PCGF5: variants seen among roughly 807,000 people sequenced by gnomAD.
PCGF5 encodes polycomb group RING finger protein 5.
PCGF5 carries 9 observed loss-of-function variants against 44.3 expected under a neutral mutation model. The ratio of observed to expected loss-of-function variants is 0.20; its 90% confidence interval spans 0.12 to 0.35. The LOEUF (loss-of-function observed/expected upper bound fraction) is 0.35. PCGF5 is among the 10% of genes least tolerant of loss of function. PCGF5 has a pLI of 1.00. For missense variants in PCGF5, 146 were observed against 305.3 expected, an observed-to-expected ratio of 0.48 and a Z score of 3.89; for synonymous variants, 95 against 102.5, an observed-to-expected ratio of 0.93 and a Z score of 0.44.
chr10:91,174,444 T>C (rs1281754714), intron 1 of PCGF5, among the ~76,000 whole-genome samples: 1 of 152,108 alleles, frequency 6.6e-6, no homozygotes, highest in Non-Finnish European at 1.5e-5. Flanking sequence ...GAGGTGGAGA[T>C]TGTAGTGAGC....
chr10:91,238,601 C>CT lies in PCGF5; in HGVS notation c.113-1853dup, dbSNP rs71487496. On this transcript the variant is annotated intron_variant, in intron 2 of 9. Coordinates refer to ENST00000336126, the MANE Select transcript of PCGF5 (RefSeq NM_032373.5). ...CTCTCATTTCTTTCTTTCTTTCTTT[C>CT]TTTTTTTTTTTTTTTTTTTTTTTTT... Among the ~76,000 whole-genome samples, 407 of 58,422 alleles carry CT rather than the reference C, an allele frequency of 7.0e-3. 18 individuals are homozygous for CT. The highest frequency in any genetic ancestry group is 0.014 in the Middle Eastern group (1 of 74). The allele number at this position is 58,422 out of a possible 152,430, so 38.3% of individuals were successfully genotyped here. A position where few individuals can be genotyped will look rare whatever the true frequency, so the allele number is the denominator to read the frequency against.
chr10:91,199,166 A>G (rs1844199580), intron 1 of PCGF5, among the ~76,000 whole-genome samples: 1 of 152,254 alleles, frequency 6.6e-6, no homozygotes, highest in Admixed American at 6.5e-5. Flanking sequence ...TTCCACAAGC[A>G]AAGTTCCAGA....
At chr10:91,209,931 CAT>C (rs373637339) in intron 1 of PCGF5, among the ~76,000 whole-genome samples, 50 of 152,292 alleles carry the variant, frequency 3.3e-4, no homozygotes, top group African/African-American at 1.2e-3. Flanking sequence ...ATGAGATTGA[CAT>C]GTGGAAATTG....
At chr10:91,251,654 A>G (rs1427588074) in intron 6 of PCGF5, among the ~76,000 whole-genome samples, 2 of 152,024 alleles carry the variant, frequency 1.3e-5, no homozygotes, top group Non-Finnish European at 2.9e-5. Context: ...TCTAGTGGCT[A>G]ATGCCCAGAA....
chr10:91,196,028 G>A (rs76134049), intron 1 of PCGF5, among the ~76,000 whole-genome samples: 2 of 150,878 alleles, frequency 1.3e-5, no homozygotes, highest in Non-Finnish European at 1.5e-5. Flanking sequence ...TTCATTATTT[G>A]TCCACTTTCT....
At chr10:91,212,786 T>C (rs1170061937) in intron 1 of PCGF5, among the ~76,000 whole-genome samples, 1 of 152,196 alleles carries the variant, frequency 6.6e-6, no homozygotes, top group Non-Finnish European at 1.5e-5. Flanking sequence ...TCTTTAATCT[T>C]AAGATTTTTT....
intron 1 of PCGF5, among the ~76,000 whole-genome samples, chr10:91,198,408 G>T (rs1293201701): frequency 6.6e-6 from 1 of 152,146 alleles, no homozygotes; most frequent in Non-Finnish European, 1.5e-5. Flanking sequence ...TACCTGTTTT[G>T]TGGTCTTTAC....
chr10:91,186,726 T>A (rs760756292), intron 1 of PCGF5, among the ~76,000 whole-genome samples: 5 of 152,198 alleles, frequency 3.3e-5, no homozygotes, highest in African/African-American at 4.8e-5. Flanking sequence ...TACTAGTAAC[T>A]GTTTCACTTC....
intron 1 of PCGF5, among the ~76,000 whole-genome samples, chr10:91,195,743 A>ATTT (rs1008648984): frequency 6.6e-6 from 1 of 151,328 alleles, no homozygotes; most frequent in Non-Finnish European, 1.5e-5. Context: ...CCTAAATCAT[A>ATTT]TTTTTTTTAA....
At chr10:91,170,848 T>G (rs1843591715) in intron 1 of PCGF5, among the ~76,000 whole-genome samples, 1 of 152,218 alleles carries the variant, frequency 6.6e-6, no homozygotes, top group Non-Finnish European at 1.5e-5. Flanking sequence ...TGCCAAAACT[T>G]GGAAGCAACC....
upstream of PCGF5, among the ~76,000 whole-genome samples, chr10:91,162,355 G>A (rs909137184): frequency 3.9e-5 from 6 of 151,964 alleles, no homozygotes; most frequent in Non-Finnish European, 5.9e-5. Flanking sequence ...AAAGAAGCTG[G>A]AGGCAGGAAA....
intron 1 of PCGF5, among the ~76,000 whole-genome samples, chr10:91,201,610 G>A (rs1844253704): frequency 6.6e-6 from 1 of 152,064 alleles, no homozygotes; most frequent in Non-Finnish European, 1.5e-5. Context: ...AGCCCCTGAG[G>A]GAATTCTGAG....
At chr10:91,166,193 T>C (rs1481732985) in intron 1 of PCGF5, among the ~76,000 whole-genome samples, 2 of 152,210 alleles carry the variant, frequency 1.3e-5, no homozygotes, top group South Asian at 2.1e-4. Context: ...GGTTGGAAGT[T>C]CCTGAATTAG....
At chr10:91,190,102 AAGGCATGGGC>A (rs1336601068) in intron 1 of PCGF5, among the ~76,000 whole-genome samples, 1 of 152,236 alleles carries the variant, frequency 6.6e-6, no homozygotes. Context: ...ACCCAACATC[AAGGCATGGGC>A]AGATTGGTCT....
At chr10:91,207,631 TC>T (rs1475249959) in intron 1 of PCGF5, among the ~76,000 whole-genome samples, 3 of 152,184 alleles carry the variant, frequency 2.0e-5, no homozygotes, top group Non-Finnish European at 1.5e-5. Flanking sequence ...AATAATGAAG[TC>T]CCAATTCAGT....
intron 6 of PCGF5, among the ~76,000 whole-genome samples, chr10:91,258,123 T>C (rs1845802550): frequency 6.6e-6 from 1 of 152,064 alleles, no homozygotes; most frequent in Admixed American, 6.6e-5. Context: ...ATTAGGGTTG[T>C]CAGGGGATGG....
chr10:91,217,169 G>A (rs563436692), upstream of PCGF5, among the ~76,000 whole-genome samples: 1 of 152,232 alleles, frequency 6.6e-6, no homozygotes, highest in African/African-American at 2.4e-5. Context: ...GAGTAGCTGG[G>A]ACTACAGGCA....
chr10:91,261,357 C>A lies in PCGF5; in HGVS notation c.506C>A (p.Thr169Lys). Residue 169 changes from threonine to lysine, a missense_variant, in exon 7 of 10, where the codon ACA becomes AAA. By Grantham distance (78) the Thr-to-Lys change is moderately conservative. Transcript: ENST00000336126. ...GLMKKFIRCS[T>K]RVTVGTIKKF... ...ATGAAGAAATTCATTCGATGTTCTA[C>A]ACGTGTAACTGTGGGAACTATTAAA... 1 of 1,506,886 alleles carries A rather than the reference C, an allele frequency of 6.6e-7. No individual in the cohort carries two copies. 93.3% of individuals were successfully genotyped at this position (1,506,886 alleles called of 1,614,324 possible).
At chr10:91,157,848 A>G in the PCGF5 span, among the ~76,000 whole-genome samples, 3 of 152,208 alleles carry the variant, frequency 2.0e-5, no homozygotes, top group African/African-American at 7.2e-5. Context: ...CTCTTTCAAA[A>G]ATGATAAGTT....
Sources: gnomAD v4.1 joint callset for allele counts (sites outside exome capture counted in the v4.1 genomes callset) on GRCh38, gnomAD v4.1.1 for gene constraint, MANE v1.5 for transcripts, NCBI Gene and HGNC (gene_info 2026-07-23, HGNC 2026-07-21) for gene names.